LRP1B: variants seen among roughly 807,000 people sequenced by gnomAD.
The protein encoded by LRP1B is low-density lipoprotein receptor-related protein 1B.
Under a neutral mutation model 556.6 loss-of-function variants are expected in LRP1B, and 217 were observed. The ratio of observed to expected loss-of-function variants is 0.39; its 90% CI spans 0.35 to 0.44. The LOEUF (loss-of-function observed/expected upper bound fraction) is 0.44, where lower values mean the gene tolerates loss of function less well. LRP1B is among the 20% of genes least tolerant of loss of function. LRP1B has a pLI of 1.00. For missense variants in LRP1B, 5,053 were observed against 5,620.8 expected, an observed-to-expected ratio of 0.90 and a Z score of 3.23; for synonymous variants, 2,047 against 1,865.8, an observed-to-expected ratio of 1.10 and a Z score of -2.50.
At chr2:141,243,566 A>T (rs1365256824) in intron 5 of LRP1B, among the ~76,000 whole-genome samples, 2 of 152,164 alleles carry the variant, frequency 1.3e-5, no homozygotes, top group Admixed American at 1.3e-4. Flanking sequence ...CTCTCATAAA[A>T]ATTTGTAGTC....
intron 86 of LRP1B, among the ~76,000 whole-genome samples, chr2:140,265,811 G>C (rs1285677476): frequency 6.6e-6 from 1 of 151,956 alleles, no homozygotes; most frequent in Non-Finnish European, 1.5e-5. Context: ...GAGGAGAATT[G>C]ACCACTAGAA....
At chr2:141,260,618 C>T (rs553921663) in intron 3 of LRP1B, among the ~76,000 whole-genome samples, 8 of 152,302 alleles carry the variant, frequency 5.3e-5, no homozygotes, top group East Asian at 1.9e-4. Context: ...GTATAGCTAT[C>T]GGATCAACCA....
intron 60 of LRP1B, among the ~76,000 whole-genome samples, chr2:140,463,621 A>G (rs1171175238): frequency 6.6e-6 from 1 of 152,232 alleles, no homozygotes; most frequent in Non-Finnish European, 1.5e-5. Context: ...AGGATGGCCA[A>G]CATTTCCAAC....
At chr2:141,123,411 C>G (rs1701117695) in intron 7 of LRP1B, among the ~76,000 whole-genome samples, 3 of 151,692 alleles carry the variant, frequency 2.0e-5, no homozygotes, top group Admixed American at 6.6e-5. Flanking sequence ...TTGATAGTGT[C>G]TTTTCTTCAC....
At chr2:141,764,389 A>G (rs932633338) in intron 2 of LRP1B, among the ~76,000 whole-genome samples, 3 of 152,104 alleles carry the variant, frequency 2.0e-5, no homozygotes, top group Non-Finnish European at 2.9e-5. Context: ...TCACCATGTT[A>G]GTCAGGATGG....
intron 1 of LRP1B, among the ~76,000 whole-genome samples, chr2:141,833,917 T>C (rs1356584420): frequency 6.7e-6 from 1 of 150,080 alleles, no homozygotes; most frequent in Non-Finnish European, 1.5e-5. Context: ...ATGGATTTCC[T>C]AGGGATAGGA....
chr2:141,819,537 C>G (rs1053607028), intron 1 of LRP1B, among the ~76,000 whole-genome samples: 1 of 152,036 alleles, frequency 6.6e-6, no homozygotes, highest in Admixed American at 6.5e-5. Context: ...TATGTGGAAG[C>G]TACAAAAGTT....
chr2:141,095,008 A>G (rs1398833416), intron 7 of LRP1B, among the ~76,000 whole-genome samples: 1 of 152,132 alleles, frequency 6.6e-6, no homozygotes, highest in African/African-American at 2.4e-5. Flanking sequence ...CAAGAGGGTA[A>G]AGTGAATGAA....
chr2:140,297,688 A>C, intron 84 of LRP1B, 120 bp downstream of exon 84: 1 of 1,090,714 alleles, frequency 9.2e-7, no homozygotes, highest in African/African-American at 1.6e-5. Context: ...TTGGAGTGAC[A>C]GAGACTGAAC....
At chr2:140,392,649 G>C (rs371266932) in intron 66 of LRP1B, among the ~76,000 whole-genome samples, 1 of 151,810 alleles carries the variant, frequency 6.6e-6, no homozygotes, top group African/African-American at 2.4e-5. Context: ...TACCACACCC[G>C]GCTAATTTTT....
chr2:141,687,666 A>G (rs1691362249), intron 2 of LRP1B, among the ~76,000 whole-genome samples: 2 of 151,922 alleles, frequency 1.3e-5, no homozygotes, highest in South Asian at 4.1e-4. Context: ...TTCATCTCTT[A>G]AAATATAATT....
At chr2:141,840,932 G>GAA (rs5834873) in intron 1 of LRP1B, among the ~76,000 whole-genome samples, 2,908 of 145,890 alleles carry the variant, frequency 0.02, 32 homozygotes, top group Non-Finnish European at 0.027. Context: ...TGCATCTAGG[G>GAA]AAAAAAAAAA....
At chr2:141,088,938 CT>C (rs1219184453) in intron 7 of LRP1B, among the ~76,000 whole-genome samples, 2 of 152,006 alleles carry the variant, frequency 1.3e-5, no homozygotes, top group African/African-American at 4.8e-5. Context: ...TTTTCTGGAC[CT>C]TAAAAAAATA....
chr2:140,734,078 A>T (rs909060741), intron 35 of LRP1B, among the ~76,000 whole-genome samples: 1 of 152,216 alleles, frequency 6.6e-6, no homozygotes, highest in African/African-American at 2.4e-5. Context: ...TTCAGTGAAA[A>T]TCCAATGGGG....
intron 83 of LRP1B, 44 bp from the exon 84 acceptor site, chr2:140,298,013 A>G: frequency 6.6e-7 from 1 of 1,522,930 alleles, no homozygotes; most frequent in Non-Finnish European, 8.9e-7. Context: ...ATTCAACCAA[A>G]ATAGTTTATT....
At chr2:141,467,126 A>ATATATG (rs1682256436) in intron 3 of LRP1B, among the ~76,000 whole-genome samples, 3 of 25,782 alleles carry the variant, frequency 1.2e-4, no homozygotes, top group African/African-American at 2.8e-4. Flanking sequence ...ATATATATCT[A>ATATATG]TATATATATA....
intron 49 of LRP1B, among the ~76,000 whole-genome samples, chr2:140,522,116 C>A (rs780396265): frequency 6.6e-5 from 10 of 151,980 alleles, no homozygotes. Flanking sequence ...ACACTCCAGA[C>A]TACCGTAGCA....
chr2:140,441,715 G>A (rs1686433074), intron 66 of LRP1B, among the ~76,000 whole-genome samples: 1 of 152,112 alleles, frequency 6.6e-6, no homozygotes, highest in South Asian at 2.1e-4. Context: ...ATCCAGTTTG[G>A]ACAAACTTTG....
intron 60 of LRP1B, among the ~76,000 whole-genome samples, chr2:140,465,488 C>A (rs1687506807): frequency 6.6e-6 from 1 of 152,060 alleles, no homozygotes; most frequent in South Asian, 2.1e-4. Context: ...GAATAGAAGC[C>A]CTATTCTATG....
Sources: gnomAD v4.1 joint callset for allele counts (sites outside exome capture counted in the v4.1 genomes callset) on GRCh38, gnomAD v4.1.1 for gene constraint, MANE v1.5 for transcripts, NCBI Gene and HGNC (gene_info 2026-07-23, HGNC 2026-07-21) for gene names.